Variants in MTSS1 observed in about 807,000 individuals in gnomAD.
The protein encoded by MTSS1 is MTSS I-BAR domain containing 1, also known as protein MTSS 1.
Under a neutral mutation model 79.0 loss-of-function variants are expected in MTSS1, and 18 were observed. The observed-to-expected ratio is 0.23, with a 90% CI of 0.16 to 0.34. The LOEUF (loss-of-function observed/expected upper bound fraction) is 0.34. Ranked by LOEUF, MTSS1 falls within the 10% of genes least tolerant of loss-of-function variation. The pLI is 1.00. For synonymous variants in MTSS1, 341 were observed against 368.6 expected (o/e 0.93, Z 0.86); for missense variants, 815 against 986.2 (o/e 0.83, Z 2.33).
At chr8:124,602,207 A>ATATATATACATATATATATATACACATAT in intron 3 of MTSS1, among the ~76,000 whole-genome samples, 4 of 142,214 alleles carry the variant, frequency 2.8e-5, no homozygotes, top group African/African-American at 1.1e-4. Context: ...ATATATATAT[A>ATATATATACATATATATATATACACATAT]ATTTTTTTTT....
At chr8:124,560,357 C>CA (rs2131889038) in intron 10 of MTSS1, among the ~76,000 whole-genome samples, 1 of 151,854 alleles carries the variant, frequency 6.6e-6, no homozygotes, top group Non-Finnish European at 1.5e-5. Flanking sequence ...CTCATCTCTA[C>CA]AAAAAATAAA....
intron 3 of MTSS1, among the ~76,000 whole-genome samples, chr8:124,661,635 C>T (rs571842213): frequency 6.6e-6 from 1 of 152,140 alleles, no homozygotes; most frequent in Non-Finnish European, 1.5e-5. Flanking sequence ...GCCTCCTCAG[C>T]CCAGGTGAGG....
Position 124,589,274 on chromosome 8 carries a change from G to A in MTSS1, c.385+346C>T, listed in dbSNP as rs548415278. Among the ~76,000 whole-genome samples the A allele has an allele frequency of 5.9e-3, 898 of 152,088 alleles. 15 individuals are homozygous for A. The highest frequency in any genetic ancestry group is 5.9e-3 in the Non-Finnish European group (404 of 67,942). On this transcript the variant is annotated intron_variant, in intron 5 of 13. Coordinates refer to ENST00000518547, the MANE Select transcript of MTSS1 (RefSeq NM_014751.6). Reference sequence around the variant, plus strand: ...TCAAACTCCTGACCTCAAGTGATCCGCCCGCCTCGGCCTCCCAAAGTGCCG... The same window carrying A: ...TCAAACTCCTGACCTCAAGTGATCCACCCGCCTCGGCCTCCCAAAGTGCCG...
At chr8:124,627,080 G>T (rs935780520) in intron 3 of MTSS1, among the ~76,000 whole-genome samples, 1 of 152,046 alleles carries the variant, frequency 6.6e-6, no homozygotes, top group Non-Finnish European at 1.5e-5. Context: ...ACCAAAGTTT[G>T]CACCGAGAAA....
chr8:124,626,749 A>G (rs954759043), intron 3 of MTSS1, among the ~76,000 whole-genome samples: 4 of 152,088 alleles, frequency 2.6e-5, no homozygotes, highest in African/African-American at 9.7e-5. Flanking sequence ...GCAGGCCGCT[A>G]CAAGTTCTGT....
chr8:124,697,288 G>A (rs1395597921), intron 3 of MTSS1, among the ~76,000 whole-genome samples: 1 of 151,450 alleles, frequency 6.6e-6, no homozygotes, highest in African/African-American at 2.4e-5. Context: ...GGCCAGGCAC[G>A]GTGGCTCACG....
At position 124,574,601 on chromosome 8, in the gene MTSS1, T is replaced by C. The variant is rs149818408; in HGVS notation, c.461-6065A>G. ...ACAGCCGATCAAAAAGCCAGTGAAA[T>C]GTGATTCGTATTATCTGTACTGGCC... On this transcript the variant is annotated intron_variant, in intron 6 of 13. Coordinates refer to ENST00000518547, the MANE Select transcript of MTSS1 (RefSeq NM_014751.6). 3.2e-3 allele frequency among the ~76,000 whole-genome samples: 493 copies of C among 152,200 alleles called. 2 individuals carry two copies. The highest frequency in any genetic ancestry group is 0.011 in the African/African-American group (468 of 41,524).
At position 124,557,724 on chromosome 8, in the gene MTSS1, A is replaced by G. The variant is rs548792952; in HGVS notation, c.1187T>C (p.Ile396Thr). 6.9e-4 allele frequency: 1,100 copies of G among 1,598,372 alleles called. 18 individuals are homozygous for G. In the South Asian group the frequency reaches 0.012, roughly 17 times the overall value. Residue 396 changes from isoleucine (I) to threonine (T), a missense_variant, in exon 11 of 14, where the codon ATT (isoleucine) becomes ACT (threonine). Physicochemically the swap from Ile to Thr is moderately conservative, Grantham distance 89 (BLOSUM62 -1). Coordinates refer to ENST00000518547, the MANE Select transcript of MTSS1 (RefSeq NM_014751.6). ...HLPDYAHYYT[I>T]GPGMFPSSQI... ...AGATGACGGGAACATGCCGGGCCCA[A>G]TGGTGTAATAATGAGCGTAGTCTGG...
intron 3 of MTSS1, among the ~76,000 whole-genome samples, chr8:124,670,026 T>C (rs1366609122): frequency 1.3e-5 from 2 of 152,188 alleles, no homozygotes; most frequent in Admixed American, 6.5e-5. Context: ...CAAGACAAAG[T>C]GCTGCCCTCA....
At position 124,555,859 on chromosome 8, in the gene MTSS1, A is replaced by G. The variant is rs751069385; in HGVS notation, c.1450T>C (p.Ser484Pro). 4 of 1,612,218 alleles carry G rather than the reference A, an allele frequency of 2.5e-6. No individual in the cohort carries two copies. The African/African-American group carries it at 4.0e-5, about 16-fold the overall frequency. Residue 484 changes from serine (S) to proline (P), a missense_variant, in exon 13 of 14, where the codon TCT (serine) becomes CCT (proline). Physicochemically the swap from Ser to Pro is moderately conservative, Grantham distance 74. Transcript: ENST00000518547. ...EACEELALAL[S>P]RGLQLDTQRS... ...TGGGTGTCCAGCTGCAGGCCCCGAG[A>G]CAGGGCCAGGGCCAGCTCCTCACAA... is the stretch of plus-strand genomic sequence containing the variant.
intron 1 of MTSS1, among the ~76,000 whole-genome samples, chr8:124,709,060 A>T (rs1171091781): frequency 6.6e-6 from 1 of 152,148 alleles, no homozygotes; most frequent in Non-Finnish European, 1.5e-5. Flanking sequence ...GAGCAGTTTT[A>T]CTATAATAAT....
intron 10 of MTSS1, among the ~76,000 whole-genome samples, chr8:124,562,025 G>A (rs576195114): frequency 1.5e-4 from 23 of 152,308 alleles, no homozygotes; most frequent in African/African-American, 5.3e-4. Flanking sequence ...GGGCTGTGGG[G>A]CACCCAGCAT....
At chr8:124,667,399 C>A (rs1193123553) in intron 3 of MTSS1, among the ~76,000 whole-genome samples, 2 of 151,604 alleles carry the variant, frequency 1.3e-5, no homozygotes, top group Non-Finnish European at 2.9e-5. Context: ...AATCCCAGCA[C>A]TTCGGGAGGC....
Position 124,727,728 on chromosome 8 carries a change from G to A in MTSS1, c.72+156C>T, listed in dbSNP as rs1356976412. The A allele has an allele frequency of 2.9e-6, 2 of 690,142 alleles. No individual in the cohort carries two copies. The highest frequency in any genetic ancestry group is 3.0e-5 in the East Asian group (1 of 33,552). 42.8% of individuals were successfully genotyped at this position (690,142 alleles called of 1,614,324 possible). ...CCCGCAGAGCCCGGAGCAGCGCCCC[G>A]GGTGAGCAGGTGACACTCCGGCCGG... On this transcript the variant is annotated intron_variant, in intron 1 of 13. Coordinates refer to ENST00000518547, the MANE Select transcript of MTSS1 (RefSeq NM_014751.6). The surrounding 1 kb of genome is among the most constrained non-coding windows in gnomAD (Gnocchi z 4.7).
Position 124,683,497 on chromosome 8 carries a change from G to A in MTSS1, c.208+16029C>T, listed in dbSNP as rs1826462710. 6.6e-6 allele frequency among the ~76,000 whole-genome samples: 1 copy of A among 152,136 alleles called. No individual in the cohort carries two copies. Among genetic ancestry groups the A allele is most frequent in the Non-Finnish European group, 1.5e-5 (1 of 68,022 alleles). On this transcript the variant is annotated intron_variant, in intron 3 of 13. Coordinates refer to ENST00000518547, the MANE Select transcript of MTSS1 (RefSeq NM_014751.6). The surrounding 1 kb of genome is among the most constrained non-coding windows in gnomAD (Gnocchi z 4.5). ...AGAGTGCCAGCTTCTCTGACACCCT[G>A]GAAAGGAACTCAGAAACACAGGTGT...
chr8:124,608,919 T>C (rs1231746262), intron 3 of MTSS1, among the ~76,000 whole-genome samples: 2 of 152,186 alleles, frequency 1.3e-5, no homozygotes, highest in Admixed American at 6.5e-5. Context: ...CTTATTAAAC[T>C]TCAGTATACA....
chr8:124,601,749 G>A (rs1262132553), intron 3 of MTSS1, among the ~76,000 whole-genome samples: 4 of 152,168 alleles, frequency 2.6e-5, no homozygotes, highest in Admixed American at 6.5e-5. Context: ...CTGCTGCCCC[G>A]GGGGATGCCT....
In MTSS1 at chr8:124,557,826, C is replaced by T. The variant is rs1328711180; in HGVS notation, c.1085G>A (p.Gly362Glu). Residue 362 changes from glycine to glutamate, a missense_variant, in exon 11 of 14, where the codon GGG (glycine) becomes GAG (glutamate). Gly to Glu is a moderately conservative substitution (Grantham distance 98, BLOSUM62 -2). This residue lies in a region of MTSS1 where 590 missense variants were observed against 620.8 expected (regional missense o/e 0.95). Coordinates refer to ENST00000518547, the MANE Select transcript of MTSS1 (RefSeq NM_014751.6). ...AGGGAAAAGGCCTGCACCCGTGGGC[C>T]CCACGTGGGACTCACTTGATAAACT... is the stretch of plus-strand genomic sequence containing the variant. ...HYSLSSESHVGPTGAGLFPHC... is the reference protein window; with the variant it reads ...HYSLSSESHVEPTGAGLFPHC... 2.5e-6 allele frequency: 4 copies of T among 1,603,810 alleles called. No homozygotes were observed. The highest frequency in any genetic ancestry group is 1.3e-5 in the African/African-American group (1 of 74,580).
At chr8:124,682,179 A>C (rs2135000171) in intron 3 of MTSS1, among the ~76,000 whole-genome samples, 1 of 152,316 alleles carries the variant, frequency 6.6e-6, no homozygotes, top group South Asian at 2.1e-4. Flanking sequence ...CGCCAGAATA[A>C]TTTACCATCT....
Sources: gnomAD v4.1 joint callset for allele counts (sites outside exome capture counted in the v4.1 genomes callset) on GRCh38, gnomAD v4.1.1 for gene constraint, gnomAD v4.1.1 regional missense constraint, Gnocchi (gnomAD v3.1) non-coding constraint, MANE v1.5 for transcripts, NCBI Gene and HGNC (gene_info 2026-07-23, HGNC 2026-07-21) for gene names.